The following PHKB variants were observed in gnomAD, a reference collection of about 807,000 sequenced individuals.
The protein encoded by PHKB is phosphorylase kinase regulatory subunit beta.
Under a neutral mutation model 152.1 loss-of-function variants are expected in PHKB, and 122 were observed. That is an observed-to-expected ratio of 0.80 (90% confidence interval 0.69 to 0.93). The LOEUF (loss-of-function observed/expected upper bound fraction) is 0.93. Ranked by LOEUF, PHKB falls within the 40% of genes least tolerant of loss-of-function variation. The pLI, the probability that PHKB is intolerant of heterozygous loss-of-function variation, is 0.00. For synonymous variants in PHKB, 436 were observed against 464.9 expected, an observed-to-expected ratio of 0.94 and a Z score of 0.80; for missense variants, 1,304 against 1,328.4, an observed-to-expected ratio of 0.98 and a Z score of 0.29.
chr16:47,517,204 A>G (rs1970612281), intron 6 of PHKB, among the ~76,000 whole-genome samples: 1 of 152,198 alleles, frequency 6.6e-6, no homozygotes, highest in South Asian at 2.1e-4. Flanking sequence ...ATAACCGTTT[A>G]CAATTAGTGG....
At chr16:47,625,841 C>T (rs373391681) in intron 14 of PHKB, among the ~76,000 whole-genome samples, 2 of 152,118 alleles carry the variant, frequency 1.3e-5, no homozygotes, top group Admixed American at 6.5e-5. Context: ...TTTTTATCTT[C>T]GAGAACAGCT....
chr16:47,581,701 C>T (rs1971849369), intron 8 of PHKB, among the ~76,000 whole-genome samples: 1 of 152,130 alleles, frequency 6.6e-6, no homozygotes, highest in African/African-American at 2.4e-5. Flanking sequence ...TTTTTTGAGA[C>T]AAAGTCTCGC....
At chr16:47,605,905 G>A (rs1408646569) in intron 13 of PHKB, among the ~76,000 whole-genome samples, 1 of 152,168 alleles carries the variant, frequency 6.6e-6, no homozygotes, top group African/African-American at 2.4e-5. Context: ...CAGACTCTGG[G>A]AGTCGACTGA....
At chr16:47,559,728 C>G (rs965602908) in intron 7 of PHKB, among the ~76,000 whole-genome samples, 1 of 152,148 alleles carries the variant, frequency 6.6e-6, no homozygotes, top group African/African-American at 2.4e-5. Flanking sequence ...GACCTAGACT[C>G]AGAAGTCATG....
At chr16:47,595,030 T>A (rs1177461535) in intron 12 of PHKB, among the ~76,000 whole-genome samples, 1 of 152,252 alleles carries the variant, frequency 6.6e-6, no homozygotes, top group East Asian at 1.9e-4. Context: ...GGATAAACAT[T>A]GATTTCAAAG....
chr16:47,498,426 C>T (rs553764436), intron 2 of PHKB, among the ~76,000 whole-genome samples: 1 of 152,226 alleles, frequency 6.6e-6, no homozygotes, highest in South Asian at 2.1e-4. Flanking sequence ...GCCTGTAATC[C>T]CAGCACTTTG....
chr16:47,486,728 T>A (rs1023294196), intron 1 of PHKB, among the ~76,000 whole-genome samples: 1 of 152,198 alleles, frequency 6.6e-6, no homozygotes, highest in African/African-American at 2.4e-5. Context: ...TTGACCTCTA[T>A]GATAAAAGAT....
chr16:47,539,483 T>A (rs1971012673), intron 6 of PHKB, among the ~76,000 whole-genome samples: 1 of 152,136 alleles, frequency 6.6e-6, no homozygotes. Flanking sequence ...GCTTAAGATG[T>A]ATAGTCCTTA....
At chr16:47,538,227 A>G (rs1399440254) in intron 6 of PHKB, among the ~76,000 whole-genome samples, 2 of 152,168 alleles carry the variant, frequency 1.3e-5, no homozygotes, top group Non-Finnish European at 2.9e-5. Context: ...CTGAAAAACT[A>G]TCAAGTATTT....
chr16:47,652,672 T>G (rs1973258989), intron 20 of PHKB, among the ~76,000 whole-genome samples: 1 of 152,062 alleles, frequency 6.6e-6, no homozygotes, highest in African/African-American at 2.4e-5. Context: ...AGAGACAGGG[T>G]CTCGCTCTGT....
At chr16:47,637,047 AAG>A (rs1182648483) in intron 14 of PHKB, among the ~76,000 whole-genome samples, 105 of 152,298 alleles carry the variant, frequency 6.9e-4, no homozygotes, top group Non-Finnish European at 1.0e-4. Flanking sequence ...AGCTGCAGGA[AAG>A]AGTTACCCAC....
intron 6 of PHKB, among the ~76,000 whole-genome samples, chr16:47,538,455 G>A (rs1970993375): frequency 6.6e-6 from 1 of 152,168 alleles, no homozygotes; most frequent in Admixed American, 6.5e-5. Context: ...TTCTGGAATA[G>A]GTGCATGTTT....
chr16:47,537,394 A>G (rs1970970187), intron 6 of PHKB, among the ~76,000 whole-genome samples: 1 of 152,236 alleles, frequency 6.6e-6, no homozygotes, highest in African/African-American at 2.4e-5. Flanking sequence ...TACTTTCCTT[A>G]TAGGATTAAA....
At chr16:47,665,119 A>G (rs1429615837) in intron 25 of PHKB, 144 bp downstream of exon 25, 1 of 672,848 alleles carries the variant, frequency 1.5e-6, no homozygotes, top group East Asian at 2.7e-5. Flanking sequence ...CACTAACTTT[A>G]TTAGTTATTG....
rs560761199 is a variant in PHKB at position 47,564,811 on chromosome 16, T to C, written c.711-15484T>C. On this transcript the variant is annotated intron_variant, in intron 7 of 30. Transcript: ENST00000323584. ...TAGGAATCCATTTTCATTCTTTGCA[T>C]GTTGTTGTTCAATTTTCCCAGCACC... 6.6e-5 allele frequency among the ~76,000 whole-genome samples: 10 copies of C among 152,318 alleles called. No homozygotes were observed. The South Asian group carries it at 1.4e-3, about 22-fold the overall frequency.
chr16:47,628,699 G>A (rs1177324731), intron 14 of PHKB, among the ~76,000 whole-genome samples: 5 of 150,736 alleles, frequency 3.3e-5, no homozygotes, highest in Non-Finnish European at 4.4e-5. Flanking sequence ...AACCAAAAAA[G>A]AGCCCGCATC....
chr16:47,588,898 C>T lies in PHKB; in HGVS notation c.871-7C>T. On this transcript the variant is annotated splice_region_variant and splice_polypyrimidine_tract_variant and intron_variant, in intron 9 of 30. Transcript: ENST00000323584. ...CACTCACAGTCTCTCTTTCTCATTG[C>T]CTCCAGAATACAGATGCTGCCCTGC... is the stretch of plus-strand genomic sequence containing the variant. 6.2e-7 allele frequency: 1 copy of T among 1,611,780 alleles called. No homozygotes were observed. The highest frequency in any genetic ancestry group is 8.5e-7 in the Non-Finnish European group (1 of 1,178,060).
chr16:47,505,051 A>G (rs1173980679), intron 4 of PHKB, among the ~76,000 whole-genome samples: 2 of 152,230 alleles, frequency 1.3e-5, no homozygotes, highest in African/African-American at 2.4e-5. Flanking sequence ...TGATGGAACC[A>G]TCTAGTGTCT....
At chr16:47,669,571 A>G (rs1174747068) in intron 26 of PHKB, among the ~76,000 whole-genome samples, 154 bp downstream of exon 26, 1 of 152,224 alleles carries the variant, frequency 6.6e-6, no homozygotes, top group African/African-American at 2.4e-5. Context: ...ATCTGGGGGT[A>G]TGAAAAATAA....
Sources: gnomAD v4.1 joint callset for allele counts (sites outside exome capture counted in the v4.1 genomes callset) on GRCh38, gnomAD v4.1.1 for gene constraint, MANE v1.5 for transcripts, NCBI Gene and HGNC (gene_info 2026-07-23, HGNC 2026-07-21) for gene names.